The following MRC1 variants were observed in gnomAD, a reference collection of about 807,000 sequenced individuals.
MRC1 encodes the protein macrophage mannose receptor 1.
In MRC1, 62 loss-of-function variants were observed where a neutral mutation model predicts 102.9. The observed-to-expected ratio is 0.60, with a 90% CI of 0.49 to 0.74. The LOEUF (loss-of-function observed/expected upper bound fraction) is 0.74, where lower values mean the gene tolerates loss of function less well. Ranked by LOEUF, MRC1 falls within the 30% of genes least tolerant of loss-of-function variation. The probability of loss-of-function intolerance (pLI) is 0.00; values close to 1 mark genes in which losing one functional copy is unlikely to be tolerated. For missense variants in MRC1, 1,237 were observed against 862.8 expected (o/e 1.43, Z -5.43); for synonymous variants, 457 against 298.4 (o/e 1.53, Z -5.48).
intron 3 of MRC1, among the ~76,000 whole-genome samples, chr10:17,833,427 G>T (rs1589169062): frequency 6.6e-6 from 1 of 151,282 alleles, no homozygotes; most frequent in East Asian, 2.0e-4. Context: ...AAACTGAGGT[G>T]GGAAGATTGT....
chr10:17,889,331 C>G (rs981224524), intron 22 of MRC1, among the ~76,000 whole-genome samples: 119 of 152,246 alleles, frequency 7.8e-4, no homozygotes, highest in African/African-American at 2.7e-3. Context: ...TCCACTCTTT[C>G]TTGCCTTCTC....
chr10:17,809,568 C>T (rs1838191373), intron 1 of MRC1, 42 bp downstream of exon 1: 3 of 868,414 alleles, frequency 3.5e-6, no homozygotes, highest in Non-Finnish European at 6.0e-6. Flanking sequence ...CCTGGGGGGC[C>T]GGAACCACAC....
chr10:17,887,719 T>G (rs543702637), intron 22 of MRC1, among the ~76,000 whole-genome samples: 98 of 152,370 alleles, frequency 6.4e-4, no homozygotes, highest in African/African-American at 2.3e-3. Flanking sequence ...TGTTGATTTT[T>G]TCTCCCAGAC....
At chr10:17,816,669 G>A (rs970750441) in intron 1 of MRC1, among the ~76,000 whole-genome samples, 1 of 152,220 alleles carries the variant, frequency 6.6e-6, no homozygotes, top group Non-Finnish European at 1.5e-5. Flanking sequence ...CACCTAAACA[G>A]CGAAGGCCGA....
chr10:17,833,323 C>T (rs1239680297), intron 3 of MRC1, among the ~76,000 whole-genome samples: 1 of 152,032 alleles, frequency 6.6e-6, no homozygotes. Flanking sequence ...GAGTTTTAGA[C>T]TAGCCTGGGC....
At chr10:17,819,096 A>G (rs1838355165) in intron 1 of MRC1, among the ~76,000 whole-genome samples, 1 of 152,212 alleles carries the variant, frequency 6.6e-6, no homozygotes, top group Non-Finnish European at 1.5e-5. Context: ...AAACCTCTCC[A>G]TAAAGGTAGA....
At chr10:17,909,076 T>G (rs549358582) in intron 28 of MRC1, among the ~76,000 whole-genome samples, 1 of 152,266 alleles carries the variant, frequency 6.6e-6, no homozygotes, top group Non-Finnish European at 1.5e-5. Context: ...CATAGGCAAC[T>G]GCTATGGCTC....
intron 1 of MRC1, among the ~76,000 whole-genome samples, chr10:17,821,001 G>A (rs1838387015): frequency 6.6e-6 from 1 of 152,182 alleles, no homozygotes; most frequent in Non-Finnish European, 1.5e-5. Flanking sequence ...GAGATCAAGT[G>A]TGGAAGGAAG....
At chr10:17,810,290 C>T (rs1260093998) in intron 1 of MRC1, among the ~76,000 whole-genome samples, 1 of 152,082 alleles carries the variant, frequency 6.6e-6, no homozygotes, top group Non-Finnish European at 1.5e-5. Context: ...ATTCCTGGTT[C>T]TATTTGGAGA....
At position 17,853,105 on chromosome 10, in the gene MRC1, G is replaced by T; in HGVS notation, c.1388G>T (p.Cys463Phe). ...PSHENNRQED[C>F]VVMKGKDGYW... ...CATGAAAACAACAGACAGGAGGATTGTGTGGTGATGAAAGGCAAGGTAAGG... is the reference window on the plus strand; with the variant it reads ...CATGAAAACAACAGACAGGAGGATTTTGTGGTGATGAAAGGCAAGGTAAGG... The change falls in exon 8 of 30, where the codon TGT (cysteine) becomes TTT (phenylalanine). Residue 463 changes from cysteine to phenylalanine, a missense_variant. By Grantham distance (205) the Cys-to-Phe change is radical. Coordinates refer to ENST00000569591, the MANE Select transcript of MRC1 (RefSeq NM_002438.4). 1 of 780,876 alleles carries T rather than the reference G, an allele frequency of 1.3e-6. No homozygotes were observed. Among genetic ancestry groups the T allele is most frequent in the South Asian group, 1.3e-5 (1 of 74,620 alleles). 48.4% of individuals were successfully genotyped at this position (780,876 alleles called of 1,614,324 possible).
intron 9 of MRC1, among the ~76,000 whole-genome samples, chr10:17,858,722 A>G (rs1247064950): frequency 6.6e-6 from 1 of 152,138 alleles, no homozygotes; most frequent in Non-Finnish European, 1.5e-5. Context: ...TCCTGACCTC[A>G]TGATCCATCC....
intron 10 of MRC1, 93 bp downstream of exon 10, chr10:17,861,595 A>G: frequency 1.4e-6 from 1 of 727,616 alleles, no homozygotes. Context: ...ATTTCTGAGT[A>G]TGTGTGATCT....
chr10:17,856,394 T>C (rs34591398), intron 9 of MRC1, 42 bp downstream of exon 9: 13,340 of 817,828 alleles, frequency 0.016, 251 homozygotes, highest in African/African-American at 0.07. Context: ...TGAGCACGTA[T>C]GAGTTGATAC....
intron 4 of MRC1, among the ~76,000 whole-genome samples, chr10:17,836,385 G>A (rs933023211): frequency 1.4e-4 from 21 of 152,306 alleles, no homozygotes; most frequent in Middle Eastern, 6.8e-3. Context: ...AAGGATCAGA[G>A]TGATTCATAT....
intron 28 of MRC1, 152 bp from the exon 29 acceptor site, chr10:17,909,154 C>T: frequency 1.5e-6 from 1 of 652,876 alleles, no homozygotes; most frequent in African/African-American, 1.8e-5. Flanking sequence ...TTTTTTTCTA[C>T]CTGTATTTTT....
intron 13 of MRC1, 72 bp from the exon 14 acceptor site, chr10:17,870,776 G>A: frequency 1.2e-6 from 1 of 847,328 alleles, no homozygotes; most frequent in South Asian, 1.3e-5. Flanking sequence ...TTCAAATGTG[G>A]TTAGTCCTCA....
intron 21 of MRC1, among the ~76,000 whole-genome samples, chr10:17,884,257 C>T (rs1209949286): frequency 6.6e-6 from 1 of 152,184 alleles, no homozygotes; most frequent in African/African-American, 2.4e-5. Context: ...GCACCAGCCA[C>T]CATCCCCAGC....
chr10:17,821,488 G>T (rs552825604), intron 1 of MRC1, among the ~76,000 whole-genome samples: 1 of 152,106 alleles, frequency 6.6e-6, no homozygotes. Context: ...CACCAGACTG[G>T]ATGTTGCTAT....
At chr10:17,813,632 TATATATATAAATATATAC>T (rs1409755344) in intron 1 of MRC1, among the ~76,000 whole-genome samples, 1 of 146,380 alleles carries the variant, frequency 6.8e-6, no homozygotes, top group African/African-American at 2.5e-5. Context: ...GGCTAGATTT[TATATATATAAATATATAC>T]ATATATATAT....
Sources: gnomAD v4.1 joint callset for allele counts (sites outside exome capture counted in the v4.1 genomes callset) on GRCh38, gnomAD v4.1.1 for gene constraint, MANE v1.5 for transcripts, NCBI Gene and HGNC (gene_info 2026-07-23, HGNC 2026-07-21) for gene names.